GNAQ: variants seen among roughly 807,000 people sequenced by gnomAD.
GNAQ encodes G protein subunit alpha q.
GNAQ carries 8 observed loss-of-function variants against 43.9 expected under a neutral mutation model. The ratio of observed to expected loss-of-function variants is 0.18; its 90% CI spans 0.11 to 0.33. The LOEUF is 0.33. Ranked by LOEUF, GNAQ falls within the 10% of genes least tolerant of loss-of-function variation. The pLI is 1.00. For missense variants in GNAQ, 158 were observed against 450.8 expected (o/e 0.35, Z 5.88); for synonymous variants, 155 against 170.7 (o/e 0.91, Z 0.71).
At chr9:77,725,937 TG>T (rs1825391336) in intron 6 of GNAQ, among the ~76,000 whole-genome samples, 1 of 152,054 alleles carries the variant, frequency 6.6e-6, no homozygotes, top group African/African-American at 2.4e-5. Flanking sequence ...GCCCACAAGA[TG>T]GGGTGTTGTG....
At chr9:77,860,134 G>C (rs1019421342) in intron 2 of GNAQ, among the ~76,000 whole-genome samples, 11 of 152,174 alleles carry the variant, frequency 7.2e-5, no homozygotes, top group Non-Finnish European at 1.5e-4. Flanking sequence ...AGCTGCCCTA[G>C]AACAGACTCA....
At chr9:77,816,031 C>T (rs1239546934) in intron 2 of GNAQ, among the ~76,000 whole-genome samples, 2 of 152,110 alleles carry the variant, frequency 1.3e-5, no homozygotes, top group African/African-American at 2.4e-5. Flanking sequence ...TCAGCTCTCC[C>T]ATCAAAACAA....
intron 2 of GNAQ, among the ~76,000 whole-genome samples, chr9:77,907,854 G>A (rs1282818580): frequency 1.3e-5 from 2 of 152,196 alleles, no homozygotes; most frequent in South Asian, 2.1e-4. Context: ...TGGAAAGACA[G>A]CTGGAGTGGC....
At chr9:77,756,954 C>T (rs944040422) in intron 5 of GNAQ, among the ~76,000 whole-genome samples, 21 of 152,148 alleles carry the variant, frequency 1.4e-4, no homozygotes, top group African/African-American at 5.1e-4. Context: ...TTCATTGTGC[C>T]TTCTCAAAGC....
At chr9:77,811,004 T>C (rs1826912579) in intron 3 of GNAQ, among the ~76,000 whole-genome samples, 1 of 152,164 alleles carries the variant, frequency 6.6e-6, no homozygotes, top group Non-Finnish European at 1.5e-5. Flanking sequence ...AGTATTTTTT[T>C]AAGTCGCTTG....
chr9:77,862,374 A>T (rs916734247), intron 2 of GNAQ, among the ~76,000 whole-genome samples: 8 of 152,126 alleles, frequency 5.3e-5, no homozygotes, highest in African/African-American at 1.9e-4. Context: ...ATTTCCATAC[A>T]TCCTCTGAAA....
At chr9:77,939,231 T>C (rs1267703597) in intron 1 of GNAQ, among the ~76,000 whole-genome samples, 2 of 152,186 alleles carry the variant, frequency 1.3e-5, no homozygotes, top group Non-Finnish European at 2.9e-5. Flanking sequence ...CAGTCTTTTA[T>C]AGCAATGGCC....
chr9:77,761,553 G>A (rs1826023856), intron 5 of GNAQ, among the ~76,000 whole-genome samples: 1 of 141,676 alleles, frequency 7.1e-6, no homozygotes, highest in Admixed American at 6.9e-5. Flanking sequence ...AGGTGGGGGG[G>A]TCAGCCCCCC....
chr9:77,956,125 G>C (rs1823037718), intron 1 of GNAQ, among the ~76,000 whole-genome samples: 1 of 152,028 alleles, frequency 6.6e-6, no homozygotes, highest in South Asian at 2.1e-4. Context: ...CTATTTACCA[G>C]GACTTATTCT....
intron 2 of GNAQ, among the ~76,000 whole-genome samples, chr9:77,903,491 T>C (rs961824486): frequency 2.8e-4 from 43 of 152,126 alleles, no homozygotes; most frequent in Admixed American, 2.6e-3. Flanking sequence ...TCCTAGAACA[T>C]CTCAGTGGGA....
At chr9:77,790,257 T>C (rs1209916897) in intron 5 of GNAQ, among the ~76,000 whole-genome samples, 1 of 152,216 alleles carries the variant, frequency 6.6e-6, no homozygotes, top group Admixed American at 6.5e-5. Context: ...GGTCTTTCCT[T>C]TGCGATTTGA....
At chr9:77,850,036 C>T (rs992829582) in intron 2 of GNAQ, among the ~76,000 whole-genome samples, 2 of 151,728 alleles carry the variant, frequency 1.3e-5, no homozygotes, top group Non-Finnish European at 2.9e-5. Context: ...TTCTATGACA[C>T]CAGTGGCACC....
chr9:77,920,101 T>G (rs1828974500), intron 2 of GNAQ, among the ~76,000 whole-genome samples: 1 of 151,894 alleles, frequency 6.6e-6, no homozygotes, highest in Non-Finnish European at 1.5e-5. Context: ...ATCGCGCCAC[T>G]GCACTCCAGC....
rs139245323 is a variant in GNAQ at position 77,942,929 on chromosome 9, T to G, written c.137-20584A>C. Among the ~76,000 whole-genome samples, 1,354 of 152,338 alleles carry G rather than the reference T, an allele frequency of 8.9e-3. 25 individuals are homozygous for G. Among genetic ancestry groups the G allele is most frequent in the African/African-American group, 0.03 (1,253 of 41,566 alleles). ...GCAATCCTTGCAAATCTGCTGCACT[T>G]GGATCCAATAATTAACCAACTGGTT... On this transcript the variant is annotated intron_variant, in intron 1 of 6. Transcript: ENST00000286548.
intron 1 of GNAQ, among the ~76,000 whole-genome samples, chr9:77,993,500 C>T (rs1316452703): frequency 1.3e-5 from 2 of 152,042 alleles, no homozygotes; most frequent in Non-Finnish European, 2.9e-5. Context: ...AGTTCAAGAC[C>T]AGCCTGGCCA....
chr9:77,841,844 T>C (rs994245645), intron 2 of GNAQ, among the ~76,000 whole-genome samples: 3 of 152,192 alleles, frequency 2.0e-5, no homozygotes, highest in African/African-American at 4.8e-5. Flanking sequence ...AAGTTCTTAG[T>C]AGGGAGGCTC....
intron 6 of GNAQ, among the ~76,000 whole-genome samples, chr9:77,725,579 T>TAAAAA (rs55766160): frequency 1.7e-5 from 1 of 57,160 alleles, no homozygotes; most frequent in Admixed American, 2.1e-4. Flanking sequence ...AAGGTAACAG[T>TAAAAA]AAAAAAAAAA....
intron 1 of GNAQ, among the ~76,000 whole-genome samples, chr9:78,012,318 A>C (rs780607467): frequency 6.6e-6 from 1 of 150,844 alleles, no homozygotes; most frequent in Non-Finnish European, 1.5e-5. Context: ...GCTCACTGCA[A>C]CCTCCACCTC....
intron 1 of GNAQ, among the ~76,000 whole-genome samples, chr9:77,934,071 C>T (rs1829193756): frequency 6.6e-6 from 1 of 152,164 alleles, no homozygotes; most frequent in Admixed American, 6.5e-5. Flanking sequence ...ATGCCATTTT[C>T]CACCTTATTG....
Sources: allele counts gnomAD v4.1 joint callset (sites outside exome capture counted in the v4.1 genomes callset), GRCh38; gene constraint gnomAD v4.1.1; transcripts MANE v1.5; gene names NCBI Gene and HGNC (gene_info 2026-07-23, HGNC 2026-07-21).